Variants in STK40 observed in about 807,000 individuals in gnomAD.
STK40 encodes serine/threonine kinase 40.
A neutral mutation model predicts 47.9 loss-of-function variants in STK40; 13 were observed. That is an observed-to-expected ratio of 0.27 (90% CI 0.18 to 0.43). The LOEUF (loss-of-function observed/expected upper bound fraction) is 0.43, where lower values mean the gene tolerates loss of function less well. Ranked by LOEUF, STK40 falls within the 20% of genes least tolerant of loss-of-function variation. The pLI is 1.00. For missense variants in STK40, 460 were observed against 595.1 expected, an observed-to-expected ratio of 0.77 and a Z score of 2.36; for synonymous variants, 225 against 243.2, an observed-to-expected ratio of 0.93 and a Z score of 0.69.
chr1:36,372,634 CA>C (rs1250775946), intron 1 of STK40: 2 of 152,208 alleles, frequency 1.3e-5, no homozygotes, highest in East Asian at 3.9e-4. Flanking sequence ...CCAGGCATGC[CA>C]AGCACAGACT....
At chr1:36,353,523 C>CT (rs1280421085) in intron 6 of STK40, among the ~76,000 whole-genome samples, 1 of 152,234 alleles carries the variant, frequency 6.6e-6, no homozygotes, top group Non-Finnish European at 1.5e-5. Context: ...CCCTCCAAGT[C>CT]TAAGGCATGC....
chr1:36,372,074 T>C (rs1018737922), intron 1 of STK40, among the ~76,000 whole-genome samples: 4 of 152,210 alleles, frequency 2.6e-5, no homozygotes, highest in Non-Finnish European at 5.9e-5. Flanking sequence ...CTGAACATTT[T>C]TGATCCGCAG....
chr1:36,354,852 C>T (rs796591772), intron 5 of STK40, among the ~76,000 whole-genome samples: 5 of 152,288 alleles, frequency 3.3e-5, no homozygotes, highest in African/African-American at 1.2e-4. Context: ...TCCCAGCGTG[C>T]CTGACACCTC....
intron 1 of STK40, among the ~76,000 whole-genome samples, chr1:36,381,467 A>ATTCTTCACGATCCAATTC (rs1647038624): frequency 6.6e-6 from 1 of 151,906 alleles, no homozygotes; most frequent in Admixed American, 6.6e-5. Flanking sequence ...AACTCTATTC[A>ATTCTTCACGATCCAATTC]TTCTTCACGA....
Position 36,364,200 on chromosome 1 carries a change from T to C in STK40, c.-8-2860A>G, listed in dbSNP as rs140608055. Among the ~76,000 whole-genome samples the C allele has an allele frequency of 3.7e-4, 57 of 152,274 alleles. No homozygotes were observed. The East Asian group carries it at 0.011, about 28-fold the overall frequency. The stretch of plus-strand genomic sequence containing the variant: ...AAAAATATACATCTTGTCATACTTA[T>C]CTGTCTCCCTCTGGATAAATTCCAA... On this transcript the variant is annotated intron_variant, in intron 1 of 10. Coordinates refer to ENST00000373132, the MANE Select transcript of STK40 (RefSeq NM_001282547.2).
At chr1:36,384,707 T>C (rs1292625883) in intron 1 of STK40, among the ~76,000 whole-genome samples, 1 of 152,218 alleles carries the variant, frequency 6.6e-6, no homozygotes. Flanking sequence ...AATGAATGAA[T>C]GAATGAATGA....
At chr1:36,368,373 C>T (rs189864771) in intron 1 of STK40, among the ~76,000 whole-genome samples, 267 of 152,288 alleles carry the variant, frequency 1.8e-3, no homozygotes, top group African/African-American at 4.7e-3. Context: ...ACCTCAGCCT[C>T]CTGGGTAGCT....
At chr1:36,345,839 C>T (rs1435141292) in intron 7 of STK40, among the ~76,000 whole-genome samples, 2 of 151,344 alleles carry the variant, frequency 1.3e-5, no homozygotes, top group Non-Finnish European at 2.9e-5. Flanking sequence ...TGGCCCCTCC[C>T]CAGACAAACT....
At chr1:36,367,700 C>T in intron 1 of STK40, 1 of 496,062 alleles carries the variant, frequency 2.0e-6, no homozygotes, top group Non-Finnish European at 2.6e-6. Context: ...TGAAACGCCA[C>T]CACTGATCTC....
At chr1:36,369,267 G>C (rs1646925781) in intron 1 of STK40, among the ~76,000 whole-genome samples, 1 of 152,090 alleles carries the variant, frequency 6.6e-6, no homozygotes, top group Non-Finnish European at 1.5e-5. Flanking sequence ...AGGATGGTGG[G>C]GCCCTGCTCT....
chr1:36,347,909 A>T (rs1305635555), intron 7 of STK40, among the ~76,000 whole-genome samples: 1 of 152,076 alleles, frequency 6.6e-6, no homozygotes, highest in African/African-American at 2.4e-5. Flanking sequence ...CAGCCTCCCA[A>T]AGTGTTGGGA....
At chr1:36,358,596 A>T (rs1646825507) in intron 3 of STK40, 141 bp downstream of exon 3, 5 of 1,102,090 alleles carry the variant, frequency 4.5e-6, no homozygotes. Flanking sequence ...TCTGAGGGAG[A>T]CTGTGAACTT....
intron 1 of STK40, among the ~76,000 whole-genome samples, chr1:36,370,829 T>G (rs1454441139): frequency 6.6e-6 from 1 of 151,852 alleles, no homozygotes; most frequent in Admixed American, 6.6e-5. Flanking sequence ...GTCCCTAATA[T>G]AAGATAATGT....
chr1:36,354,151 T>C (rs954068078), intron 6 of STK40, among the ~76,000 whole-genome samples: 2 of 152,132 alleles, frequency 1.3e-5, no homozygotes, highest in Non-Finnish European at 2.9e-5. Flanking sequence ...CTAAAGTTCT[T>C]CCCAGAGCTC....
rs1234065012 is a variant in STK40, at chr1:36,358,277, T to C, written c.304A>G (p.Thr102Ala). Residue 102 changes from threonine (T) to alanine (A), a missense_variant, in exon 4 of 11, where the codon ACG (threonine) becomes GCG (alanine). Physicochemically the swap from Thr to Ala is moderately conservative, Grantham distance 58. Transcript: ENST00000373132. ...TGGTGGTGCACCACGCCATCCTGCG[T>C]GTGCAGGAGAGACAGCAGTGAGTAC... is the stretch of plus-strand genomic sequence containing the variant. ...TEYSLLSLLHTQDGVVHHHGL... is the reference protein window; with the variant it reads ...TEYSLLSLLHAQDGVVHHHGL... The C allele has an allele frequency of 2.5e-6, 4 of 1,602,292 alleles. No homozygotes were observed. The highest frequency in any genetic ancestry group is 3.4e-6 in the Non-Finnish European group (4 of 1,170,240).
At chr1:36,384,229 C>T (rs1169826062) in intron 1 of STK40, among the ~76,000 whole-genome samples, 4 of 152,240 alleles carry the variant, frequency 2.6e-5, no homozygotes, top group Admixed American at 6.5e-5. Flanking sequence ...GGGGTTTCAC[C>T]ATGTTAGCCA....
chr1:36,371,670 G>T (rs1646948361), intron 1 of STK40, among the ~76,000 whole-genome samples: 1 of 120,256 alleles, frequency 8.3e-6, no homozygotes, highest in African/African-American at 3.2e-5. Flanking sequence ...GCGTGACAGA[G>T]CAAGACCCTG....
intron 1 of STK40, among the ~76,000 whole-genome samples, chr1:36,379,767 G>A (rs372329602): frequency 1.9e-4 from 29 of 152,122 alleles, no homozygotes; most frequent in African/African-American, 6.5e-4. Context: ...TCACTTGCTG[G>A]GGGAAAAATA....
chr1:36,379,138 G>A (rs1161257037), intron 1 of STK40, among the ~76,000 whole-genome samples: 1 of 152,152 alleles, frequency 6.6e-6, no homozygotes, highest in Non-Finnish European at 1.5e-5. Context: ...CTGGACCCTT[G>A]CATCCAGACT....
Sources: gnomAD v4.1 joint callset for allele counts (sites outside exome capture counted in the v4.1 genomes callset) on GRCh38, gnomAD v4.1.1 for gene constraint, MANE v1.5 for transcripts, NCBI Gene and HGNC (gene_info 2026-07-23, HGNC 2026-07-21) for gene names.